The following SLC12A1 variants were observed in gnomAD, a reference collection of about 807,000 sequenced individuals.
SLC12A1 encodes the protein Na-K-2Cl cotransporter.
Under a neutral mutation model 130.4 loss-of-function variants are expected in SLC12A1, and 89 were observed. That is an observed-to-expected ratio of 0.68 (90% confidence interval 0.58 to 0.81). The LOEUF (loss-of-function observed/expected upper bound fraction) is 0.81. Ranked by LOEUF, SLC12A1 falls within the 40% of genes least tolerant of loss-of-function variation. The pLI is 0.00. For missense variants in SLC12A1, 1,310 were observed against 1,336.4 expected, an observed-to-expected ratio of 0.98 and a Z score of 0.31; for synonymous variants, 499 against 460.0, an observed-to-expected ratio of 1.08 and a Z score of -1.09.
At chr15:48,267,195 C>A (rs1192840411) in intron 17 of SLC12A1, among the ~76,000 whole-genome samples, 1 of 152,176 alleles carries the variant, frequency 6.6e-6, no homozygotes, top group African/African-American at 2.4e-5. Context: ...CTTTCGTGTT[C>A]CTGAAAGTGG....
intron 9 of SLC12A1, among the ~76,000 whole-genome samples, chr15:48,239,715 A>G (rs757861416): frequency 3.6e-4 from 55 of 151,702 alleles, no homozygotes; most frequent in South Asian, 1.3e-3. Flanking sequence ...CGGTGGCACA[A>G]TCTCGGCTCA....
chr15:48,262,484 C>A (rs764998296), intron 17 of SLC12A1, among the ~76,000 whole-genome samples: 13 of 151,858 alleles, frequency 8.6e-5, no homozygotes, highest in African/African-American at 1.7e-4. Context: ...TTTGCTGGGC[C>A]CCAAGCACCC....
At chr15:48,248,268 T>C (rs1173691572) in intron 13 of SLC12A1, among the ~76,000 whole-genome samples, 1 of 152,168 alleles carries the variant, frequency 6.6e-6, no homozygotes, top group African/African-American at 2.4e-5. Flanking sequence ...TGAATCCTCA[T>C]AGCATTTGTA....
chr15:48,255,436 C>CA (rs373793834), intron 15 of SLC12A1, among the ~76,000 whole-genome samples: 4,307 of 89,146 alleles, frequency 0.048, 179 homozygotes, highest in African/African-American at 0.12. Context: ...AACTCCATCT[C>CA]AAAAAAAAAA....
chr15:48,284,028 AAGGC>A (rs1463276395), intron 20 of SLC12A1, among the ~76,000 whole-genome samples: 1 of 152,198 alleles, frequency 6.6e-6, no homozygotes, highest in Non-Finnish European at 1.5e-5. Context: ...AAAAAGATAA[AAGGC>A]AGCCAGATAC....
chr15:48,239,515 A>AAATAAATAAATAAATAAAT (rs2041477134), intron 9 of SLC12A1, among the ~76,000 whole-genome samples: 1 of 143,636 alleles, frequency 7.0e-6, no homozygotes, highest in African/African-American at 2.6e-5. Context: ...AACCCATCTC[A>AAATAAATAAATAAATAAAT]AAATAAATAA....
At position 48,267,553 on chromosome 15, in the gene SLC12A1, T is replaced by C; in HGVS notation, c.2155-8T>C. On this transcript the variant is annotated splice_region_variant and splice_polypyrimidine_tract_variant and intron_variant, in intron 17 of 26. Transcript: ENST00000380993. ...GGGTTCTAACCAATATTTCATTGTG[T>C]CACACAGGGACCGCGCAAACTGTGT... 6.2e-7 allele frequency: 1 copy of C among 1,613,186 alleles called. No homozygotes were observed.
At chr15:48,271,859 TG>T (rs1300489492) in intron 19 of SLC12A1, among the ~76,000 whole-genome samples, 1 of 152,218 alleles carries the variant, frequency 6.6e-6, no homozygotes, top group Non-Finnish European at 1.5e-5. Context: ...TCTTGGAAAT[TG>T]ACCAGATCTG....
intron 4 of SLC12A1, chr15:48,224,926 T>C (rs2041264892): frequency 6.6e-6 from 1 of 152,234 alleles, no homozygotes; most frequent in African/African-American, 2.4e-5. Flanking sequence ...ATCAACCTTC[T>C]GAACCATAAA....
chr15:48,296,082 G>A (rs1356013477), intron 24 of SLC12A1, among the ~76,000 whole-genome samples: 1 of 152,138 alleles, frequency 6.6e-6, no homozygotes, highest in Non-Finnish European at 1.5e-5. Context: ...ATAGAACACT[G>A]GCTCTATTTC....
rs34685202 is a variant in SLC12A1 at position 48,240,593 on chromosome 15, C to T, written c.1216-922C>T. On this transcript the variant is annotated intron_variant, in intron 9 of 26. Transcript: ENST00000380993. ...TTATGTTTTCTTTTTAAAGCACAAA[C>T]TTTGTTTGACTGCAGTGATTGCTTA... Among the ~76,000 whole-genome samples, 437 of 152,188 alleles carry T rather than the reference C, an allele frequency of 2.9e-3. 1 individual carries two copies. Among genetic ancestry groups the T allele is most frequent in the Admixed American group, 5.2e-3 (79 of 15,296 alleles).
intron 26 of SLC12A1, 122 bp downstream of exon 26, chr15:48,301,504 G>GGGGGT (rs1555387787): frequency 1.2e-5 from 6 of 502,812 alleles, no homozygotes; most frequent in South Asian, 5.4e-5. Context: ...GTTTTTTTTG[G>GGGGGT]GGGGGGGAAC....
rs775663793 is a variant in SLC12A1 at position 48,249,581 on chromosome 15, T to C, written c.1691T>C (p.Leu564Pro). Residue 564 changes from leucine to proline, a missense_variant, in exon 14 of 27, where the codon CTG (leucine) becomes CCG (proline). Coordinates refer to ENST00000380993, the MANE Select transcript of SLC12A1 (RefSeq NM_000338.3). The part of the protein sequence containing the change: ...IAMAFILIAE[L>P]NTIAPIISNF... The stretch of plus-strand genomic sequence containing the variant: ...AATTCTGTTACTTTTACAGCGGAAC[T>C]GAACACCATTGCTCCCATCATCTCC... 2.5e-6 allele frequency: 4 copies of C among 1,613,244 alleles called. No homozygotes were observed. The highest frequency in any genetic ancestry group is 3.4e-6 in the Non-Finnish European group (4 of 1,179,320).
chr15:48,226,870 G>A (rs1597406262), intron 5 of SLC12A1: 1 of 594,648 alleles, frequency 1.7e-6, no homozygotes, highest in East Asian at 2.8e-5. Context: ...GATGTTCCTT[G>A]GAAACTGATT....
At chr15:48,251,852 A>G in intron 15 of SLC12A1, 82 bp downstream of exon 15, 1 of 1,256,034 alleles carries the variant, frequency 8.0e-7, no homozygotes, top group Non-Finnish European at 1.1e-6. Context: ...AGCAGCTTCT[A>G]TGGGCTTAGG....
At chr15:48,265,858 T>A (rs1020056053) in intron 17 of SLC12A1, among the ~76,000 whole-genome samples, 1 of 152,206 alleles carries the variant, frequency 6.6e-6, no homozygotes, top group African/African-American at 2.4e-5. Flanking sequence ...TTTAAAATTT[T>A]CTAGTAGCCA....
intron 16 of SLC12A1, among the ~76,000 whole-genome samples, chr15:48,257,998 C>A (rs915782004): frequency 2.0e-5 from 3 of 152,180 alleles, no homozygotes; most frequent in Non-Finnish European, 4.4e-5. Flanking sequence ...TAAATCATCT[C>A]TCTCAAGTTC....
intron 14 of SLC12A1, among the ~76,000 whole-genome samples, chr15:48,250,377 C>T (rs555403121): frequency 3.5e-4 from 54 of 152,254 alleles, no homozygotes; most frequent in Non-Finnish European, 6.6e-4. Flanking sequence ...GATATTAAGC[C>T]TCCTTTGGAA....
intron 7 of SLC12A1, among the ~76,000 whole-genome samples, chr15:48,232,124 A>G (rs2041388189): frequency 6.6e-6 from 1 of 152,260 alleles, no homozygotes; most frequent in Admixed American, 6.5e-5. Context: ...TGCAAGAAGT[A>G]GAGTGAAGTG....
Sources: gnomAD v4.1 joint callset for allele counts (sites outside exome capture counted in the v4.1 genomes callset) on GRCh38, gnomAD v4.1.1 for gene constraint, MANE v1.5 for transcripts, NCBI Gene and HGNC (gene_info 2026-07-23, HGNC 2026-07-21) for gene names.